Variants in CCDC68 observed in about 807,000 individuals in gnomAD.
The protein encoded by CCDC68 is coiled-coil domain-containing protein 68.
Under a neutral mutation model 47.1 loss-of-function variants are expected in CCDC68, and 45 were observed. That is an observed-to-expected ratio of 0.96 (90% CI 0.75 to 1.23). The LOEUF (loss-of-function observed/expected upper bound fraction) is 1.23. Ranked by LOEUF, CCDC68 falls within the 50% of genes most tolerant of loss-of-function variation. The pLI, the probability that CCDC68 is intolerant of heterozygous loss-of-function variation, is 0.00. For synonymous variants in CCDC68, 131 were observed against 129.5 expected, an observed-to-expected ratio of 1.01 and a Z score of -0.08; for missense variants, 353 against 373.6, an observed-to-expected ratio of 0.94 and a Z score of 0.45.
intron 10 of CCDC68, among the ~76,000 whole-genome samples, chr18:54,913,063 T>C (rs1313552324): frequency 1.3e-5 from 2 of 152,104 alleles, no homozygotes; most frequent in South Asian, 2.1e-4. Context: ...TAAGCAGATA[T>C]TGATGGGCAG....
intron 1 of CCDC68, among the ~76,000 whole-genome samples, chr18:54,955,832 C>T (rs1477219580): frequency 6.6e-6 from 1 of 152,086 alleles, no homozygotes; most frequent in Non-Finnish European, 1.5e-5. Flanking sequence ...ATTCTCCTAC[C>T]TCAGCCTCCC....
At chr18:54,959,087 G>C (rs2044758893) in intron 1 of CCDC68, 1 of 152,206 alleles carries the variant, frequency 6.6e-6, no homozygotes, top group Admixed American at 6.5e-5. Flanking sequence ...ACTAAGTAGG[G>C]GTTCCTCTCT....
chr18:54,913,950 T>C (rs966023700), intron 10 of CCDC68, among the ~76,000 whole-genome samples: 1 of 152,216 alleles, frequency 6.6e-6, no homozygotes, highest in Non-Finnish European at 1.5e-5. Context: ...CCTGTTACTC[T>C]GTGACTCCCC....
intron 10 of CCDC68, among the ~76,000 whole-genome samples, chr18:54,915,576 A>G (rs1049453183): frequency 6.6e-6 from 1 of 152,086 alleles, no homozygotes; most frequent in African/African-American, 2.4e-5. Context: ...TTCTTGTTCT[A>G]TTTGCTTATC....
At chr18:54,921,630 G>C (rs944219649) in intron 8 of CCDC68, among the ~76,000 whole-genome samples, 1 of 152,150 alleles carries the variant, frequency 6.6e-6, no homozygotes, top group Admixed American at 6.5e-5. Context: ...AAAATGACGG[G>C]GGAACAAGAA....
At chr18:54,950,223 T>C (rs1240491882) in intron 1 of CCDC68, among the ~76,000 whole-genome samples, 3 of 152,236 alleles carry the variant, frequency 2.0e-5, no homozygotes, top group Admixed American at 6.5e-5. Flanking sequence ...TTTGTTCATT[T>C]CTGATTACTA....
At chr18:54,932,561 C>T (rs530813085) in intron 7 of CCDC68, among the ~76,000 whole-genome samples, 1 of 152,272 alleles carries the variant, frequency 6.6e-6, no homozygotes, top group South Asian at 2.1e-4. Flanking sequence ...CTCCACCCTC[C>T]AGAGATTCCA....
At chr18:54,950,788 G>GTATATATATATATATATATATATATATA (rs759466735) in intron 1 of CCDC68, among the ~76,000 whole-genome samples, 5,417 of 93,860 alleles carry the variant, frequency 0.058, 484 homozygotes, top group Non-Finnish European at 0.077. Context: ...TATCTTCAGT[G>GTATATATATATATATATATATATATATA]TATATATATA....
intron 1 of CCDC68, among the ~76,000 whole-genome samples, chr18:54,948,435 C>A (rs2044561140): frequency 6.6e-6 from 1 of 152,156 alleles, no homozygotes; most frequent in Admixed American, 6.5e-5. Context: ...ACCAGCCCTG[C>A]AGACACCTTG....
chr18:54,911,485 A>G (rs1204431780), intron 10 of CCDC68, among the ~76,000 whole-genome samples: 1 of 152,194 alleles, frequency 6.6e-6, no homozygotes, highest in African/African-American at 2.4e-5. Flanking sequence ...CAGTATCTTC[A>G]CATGCAATCA....
At chr18:54,941,756 T>G (rs977590767) in intron 3 of CCDC68, among the ~76,000 whole-genome samples, 1 of 152,162 alleles carries the variant, frequency 6.6e-6, no homozygotes, top group African/African-American at 2.4e-5. Context: ...ACTGTAAGAG[T>G]AGGAGCCAGG....
chr18:54,950,778 T>C (rs1242799638), intron 1 of CCDC68, among the ~76,000 whole-genome samples: 1 of 77,974 alleles, frequency 1.3e-5, no homozygotes, highest in Admixed American at 1.5e-4. Context: ...TTATTGTTAT[T>C]ATCTTCAGTG....
chr18:54,918,067 G>A, intron 9 of CCDC68, 71 bp from the exon 10 acceptor site: 1 of 665,998 alleles, frequency 1.5e-6, no homozygotes, highest in Non-Finnish European at 2.5e-6. Context: ...GTCAGAAATT[G>A]TATGGATTTC....
At chr18:54,935,067 G>A (rs1006593282) in intron 6 of CCDC68, 119 bp from the exon 7 acceptor site, 1 of 703,836 alleles carries the variant, frequency 1.4e-6, no homozygotes, top group Non-Finnish European at 2.1e-6. Context: ...TACTTGTTTA[G>A]AATTACTCTT....
chr18:54,956,676 C>T (rs116795811), intron 1 of CCDC68, among the ~76,000 whole-genome samples: 129 of 152,206 alleles, frequency 8.5e-4, no homozygotes, highest in African/African-American at 2.9e-3. Context: ...ATATATTGTA[C>T]GATTCCATCT....
At chr18:54,951,332 C>T (rs551153146) in intron 1 of CCDC68, among the ~76,000 whole-genome samples, 1 of 152,206 alleles carries the variant, frequency 6.6e-6, no homozygotes, top group African/African-American at 2.4e-5. Context: ...AGGTACAAAG[C>T]ACATGCATCC....
intron 1 of CCDC68, among the ~76,000 whole-genome samples, chr18:54,948,302 G>C (rs2044559367): frequency 6.6e-6 from 1 of 152,166 alleles, no homozygotes; most frequent in African/African-American, 2.4e-5. Flanking sequence ...CGAATGCCCT[G>C]TGAAAATGAA....
At position 54,937,953 on chromosome 18, in the gene CCDC68, A is replaced by C; in HGVS notation, c.345+4T>G. ...ACAAAATTTGAAACTTCTAAAAGTC[A>C]TACCTTGATTTTCAATACTTCATTC... On this transcript the variant is annotated splice_donor_region_variant and intron_variant, in intron 5 of 11. Coordinates refer to ENST00000591504, the MANE Select transcript of CCDC68 (RefSeq NM_025214.3). The C allele has an allele frequency of 3.7e-6, 6 of 1,609,050 alleles. No homozygotes were observed. Among genetic ancestry groups the C allele is most frequent in the Non-Finnish European group, 5.1e-6 (6 of 1,178,272 alleles).
intron 2 of CCDC68, chr18:54,943,025 T>G (rs964809679): frequency 3.0e-6 from 1 of 334,360 alleles, no homozygotes; most frequent in African/African-American, 2.2e-5. Flanking sequence ...TTAAATAATC[T>G]AAAAAGGTAA....
Sources: gnomAD v4.1 joint callset for allele counts (sites outside exome capture counted in the v4.1 genomes callset) on GRCh38, gnomAD v4.1.1 for gene constraint, MANE v1.5 for transcripts, NCBI Gene and HGNC (gene_info 2026-07-23, HGNC 2026-07-21) for gene names.